The following KIF15 variants were observed in gnomAD, a reference collection of about 807,000 sequenced individuals.
The protein encoded by KIF15 is kinesin-like protein KIF15.
KIF15 carries 140 observed loss-of-function variants against 190.6 expected under a neutral mutation model. The observed-to-expected ratio is 0.73, with a 90% CI of 0.64 to 0.84. The LOEUF (loss-of-function observed/expected upper bound fraction) is 0.84. Among genes scored for constraint, KIF15 ranks in the 40% least tolerant of loss-of-function variants. The pLI is 0.00. For synonymous variants in KIF15, 528 were observed against 551.3 expected (o/e 0.96, Z 0.59); for missense variants, 1,372 against 1,584.4 (o/e 0.87, Z 2.28).
chr3:44,829,594 T>TATGA (rs1359767200), intron 24 of KIF15, among the ~76,000 whole-genome samples: 2 of 123,488 alleles, frequency 1.6e-5, no homozygotes, highest in African/African-American at 6.9e-5. Context: ...ATATTATATA[T>TATGA]TATATATGCA....
At chr3:44,785,344 A>G (rs1324313394) in intron 6 of KIF15, among the ~76,000 whole-genome samples, 1 of 152,180 alleles carries the variant, frequency 6.6e-6, no homozygotes, top group African/African-American at 2.4e-5. Flanking sequence ...GTGTCCCTAA[A>G]TCCTCATGAC....
downstream of KIF15, among the ~76,000 whole-genome samples, chr3:44,856,889 G>T (rs961364691): frequency 6.6e-6 from 1 of 152,168 alleles, no homozygotes; most frequent in African/African-American, 2.4e-5. Flanking sequence ...ATACTGACAC[G>T]TAGTCCTTTT....
chr3:44,798,050 C>CT (rs1707079546), intron 10 of KIF15, 94 bp downstream of exon 10: 2 of 1,136,486 alleles, frequency 1.8e-6, no homozygotes, highest in Non-Finnish European at 2.4e-6. Context: ...TTAACATTAA[C>CT]TTTTATTTAT....
In KIF15 at chr3:44,851,772, A is replaced by G; in HGVS notation, c.3807-15A>G. 1 of 1,596,430 alleles carries G rather than the reference A, an allele frequency of 6.3e-7. No homozygotes were observed. The highest frequency in any genetic ancestry group is 8.5e-7 in the Non-Finnish European group (1 of 1,170,004). ...TTTCTTTCAAATACTATAAAGTGAT[A>G]ACCTATTCCTACAGCCTAGAAGAAG... On this transcript the variant is annotated splice_polypyrimidine_tract_variant and intron_variant, in intron 32 of 34. Transcript: ENST00000326047.
chr3:44,862,938 A>C (rs1433384786), intron 6 of KIF15: 2 of 152,006 alleles, frequency 1.3e-5, no homozygotes, highest in Non-Finnish European at 2.9e-5. Flanking sequence ...AAAATGAATA[A>C]CTTTGTATGG....
intron 20 of KIF15, among the ~76,000 whole-genome samples, chr3:44,815,713 T>A (rs1708003418): frequency 6.6e-6 from 1 of 152,180 alleles, no homozygotes; most frequent in Non-Finnish European, 1.5e-5. Flanking sequence ...ATCTAAATAG[T>A]TTATTCTTTG....
intron 8 of KIF15, among the ~76,000 whole-genome samples, chr3:44,794,776 G>A (rs1706891777): frequency 6.6e-6 from 1 of 152,128 alleles, no homozygotes; most frequent in East Asian, 1.9e-4. Flanking sequence ...CCTGGCCAAC[G>A]TGGTGAAATC....
intron 20 of KIF15, among the ~76,000 whole-genome samples, chr3:44,820,119 T>C (rs903858802): frequency 1.3e-5 from 2 of 152,172 alleles, no homozygotes; most frequent in Admixed American, 6.5e-5. Context: ...TCCATCCCTT[T>C]ATTTTGAACC....
At chr3:44,807,343 G>A (rs1185877551) in intron 16 of KIF15, among the ~76,000 whole-genome samples, 2 of 151,792 alleles carry the variant, frequency 1.3e-5, no homozygotes, top group Non-Finnish European at 2.9e-5. Flanking sequence ...TCCTGCCTCT[G>A]CCTCCCGAGT....
chr3:44,768,388 A>G (rs73076554), intron 1 of KIF15, among the ~76,000 whole-genome samples: 374 of 152,296 alleles, frequency 2.5e-3, no homozygotes, highest in Non-Finnish European at 4.1e-3. Context: ...GCACGCGGAC[A>G]CATCGAAAGA....
At chr3:44,861,938 CG>C in intron 6 of KIF15, 3 of 1,421,372 alleles carry the variant, frequency 2.1e-6, no homozygotes, top group Middle Eastern at 1.9e-4. Flanking sequence ...GCCGAGAGGC[CG>C]GGGCCTCCGG....
chr3:44,836,589 C>G (rs1367357097), intron 26 of KIF15, among the ~76,000 whole-genome samples: 1 of 152,054 alleles, frequency 6.6e-6, no homozygotes, highest in Non-Finnish European at 1.5e-5. Context: ...GATAGAAACA[C>G]AGCTGGTGGA....
intron 4 of KIF15, among the ~76,000 whole-genome samples, chr3:44,778,800 G>A (rs1470387993): frequency 2.0e-5 from 3 of 151,604 alleles, no homozygotes; most frequent in Non-Finnish European, 4.4e-5. Flanking sequence ...CCAACATGGT[G>A]AGACCCCCGT....
In KIF15 at chr3:44,848,515, T is replaced by G. The variant is rs2125728636; in HGVS notation, c.3769-6T>G. The stretch of plus-strand genomic sequence containing the variant: ...TTTTTATTTTCTTTTTTTAATCTTC[T>G]TATAGAGTAAAATAGTTGAAGAAAT... On this transcript the variant is annotated splice_region_variant and splice_polypyrimidine_tract_variant and intron_variant, in intron 31 of 34. Transcript: ENST00000326047. 2 of 1,110,292 alleles carry G rather than the reference T, an allele frequency of 1.8e-6. No individual in the cohort carries two copies. Among genetic ancestry groups the G allele is most frequent in the East Asian group, 5.0e-5 (2 of 40,124 alleles). 68.8% of individuals were successfully genotyped at this position (1,110,292 alleles called of 1,614,324 possible). A position where few individuals can be genotyped will look rare whatever the true frequency, so the allele number is the denominator to read the frequency against.
At chr3:44,844,091 A>AT (rs1399783214) in intron 30 of KIF15, among the ~76,000 whole-genome samples, 1 of 152,208 alleles carries the variant, frequency 6.6e-6, no homozygotes, top group African/African-American at 2.4e-5. Flanking sequence ...GATCTCCGAG[A>AT]TAGAAGCCCT....
At position 44,768,642 on chromosome 3, in the gene KIF15, C is replaced by CT. The variant is rs552949763; in HGVS notation, c.20-5752dup. ...GCAGGCGTTTGGCTGTCTCCTGTCT[C>CT]TATCATTCCCCACTCTAAAGAAGTA... On this transcript the variant is annotated intron_variant, in intron 1 of 34. Coordinates refer to ENST00000326047, the MANE Select transcript of KIF15 (RefSeq NM_020242.3). Among the ~76,000 whole-genome samples the CT allele has an allele frequency of 2.7e-3, 410 of 152,284 alleles. 2 individuals are homozygous for CT. The highest frequency in any genetic ancestry group is 9.5e-3 in the African/African-American group (394 of 41,538).
chr3:44,792,672 G>A (rs1474940051), intron 7 of KIF15, among the ~76,000 whole-genome samples: 3 of 151,152 alleles, frequency 2.0e-5, no homozygotes, highest in Non-Finnish European at 4.4e-5. Context: ...TCAGCCTCCC[G>A]AGTAGCTGGG....
chr3:44,836,000 G>C (rs62244258), intron 26 of KIF15, among the ~76,000 whole-genome samples: 6,052 of 152,196 alleles, frequency 0.04, 165 homozygotes, highest in Non-Finnish European at 0.055. Flanking sequence ...CTTGAGTCCA[G>C]TAGTTCAAGT....
rs758598303 is a variant in KIF15, at chr3:44,830,937, A to G, written c.3090A>G (p.Arg1030=). The change falls in exon 26 of 35, where the codon AGA becomes AGG. Residue 1030 remains arginine, a synonymous_variant. Coordinates refer to ENST00000326047, the MANE Select transcript of KIF15 (RefSeq NM_020242.3). Reference sequence around the variant, plus strand: ...CTTTGGTTGACAGAGAAGAGAGCAGAGTGTTGATCAAGAAGCAGGAAGTGG... The same window carrying G: ...CTTTGGTTGACAGAGAAGAGAGCAGGGTGTTGATCAAGAAGCAGGAAGTGG... The part of the protein sequence containing the change: ...NSALVDREES[R]VLIKKQEVDI... 1.9e-6 allele frequency: 3 copies of G among 1,613,952 alleles called. No homozygotes were observed. Among genetic ancestry groups the G allele is most frequent in the Admixed American group, 1.7e-5 (1 of 60,004 alleles).
Sources: gnomAD v4.1 joint callset for allele counts (sites outside exome capture counted in the v4.1 genomes callset) on GRCh38, gnomAD v4.1.1 for gene constraint, MANE v1.5 for transcripts, NCBI Gene and HGNC (gene_info 2026-07-23, HGNC 2026-07-21) for gene names.